ADSS1: variants seen among roughly 807,000 people sequenced by gnomAD.
ADSS1 encodes adenylosuccinate synthase 1.
ADSS1 carries 57 observed loss-of-function variants against 59.1 expected under a neutral mutation model. The ratio of observed to expected loss-of-function variants is 0.97; its 90% CI spans 0.78 to 1.20. The LOEUF is 1.20. Ranked by LOEUF, ADSS1 falls within the 50% of genes most tolerant of loss-of-function variation. The pLI is 0.00. For synonymous variants in ADSS1, 247 were observed against 249.4 expected, an observed-to-expected ratio of 0.99 and a Z score of 0.09; for missense variants, 603 against 610.3, an observed-to-expected ratio of 0.99 and a Z score of 0.13.
Position 104,740,686 on chromosome 14 carries a change from G to C in ADSS1, c.562G>C (p.Asp188His). 2 of 1,614,068 alleles carry C rather than the reference G, an allele frequency of 1.2e-6. No individual in the cohort carries two copies. The highest frequency in any genetic ancestry group is 1.7e-6 in the Non-Finnish European group (2 of 1,180,022). ...TGLRICDLLS[D>H]FDEFSSRFKN... ...CCTCCGCATCTGCGACCTCCTGTCAGATTTTGATGAGTTTTCCTCCAGGTA... is the reference window on the plus strand; with the variant it reads ...CCTCCGCATCTGCGACCTCCTGTCACATTTTGATGAGTTTTCCTCCAGGTA... Residue 188 changes from aspartate to histidine, a missense_variant, in exon 6 of 13, where the codon GAT (aspartate) becomes CAT (histidine). Coordinates refer to ENST00000330877, the MANE Select transcript of ADSS1 (RefSeq NM_152328.5). This position sits in a 1 kb window ranked among gnomAD's most constrained non-coding sequence, Gnocchi z 4.8.
In ADSS1 at chr14:104,743,117, A is replaced by C. The variant is rs752994462; in HGVS notation, c.999A>C (p.Thr333=). 4 of 1,612,960 alleles carry C rather than the reference A, an allele frequency of 2.5e-6. No homozygotes were observed. Among genetic ancestry groups the C allele is most frequent in the Admixed American group, 3.3e-5 (2 of 59,992 alleles). The change falls in exon 10 of 13, where the codon ACA becomes ACC. Residue 333 remains threonine (T), a synonymous_variant. Coordinates refer to ENST00000330877, the MANE Select transcript of ADSS1 (RefSeq NM_152328.5). ...GCGGCCACGAGTGGGGAGTGACCAC[A>C]GGCAGGAAGAGGCGCTGCGGCTGGC... ...QTRGHEWGVT[T]GRKRRCGWLD...
Position 104,746,854 on chromosome 14 carries a change from C to T in ADSS1, c.1322-97C>T, listed in dbSNP as rs141481520. 1.3e-5 allele frequency: 17 copies of T among 1,275,230 alleles called. No homozygotes were observed. The Admixed American group carries it at 1.9e-4, about 14-fold the overall frequency. 79.0% of individuals were successfully genotyped at this position (1,275,230 alleles called of 1,614,324 possible). A position where few individuals can be genotyped will look rare whatever the true frequency, so the allele number is the denominator to read the frequency against. On this transcript the variant is annotated intron_variant, in intron 12 of 12. Coordinates refer to ENST00000330877, the MANE Select transcript of ADSS1 (RefSeq NM_152328.5). The stretch of plus-strand genomic sequence containing the variant: ...TTTGGAGAGAAAATAGCCCCTTTTA[C>T]CATTTGAACTACACAGAAAGATACG...
chr14:104,739,615 C>A, intron 4 of ADSS1, 135 bp from the exon 5 acceptor site: 1 of 1,047,038 alleles, frequency 9.6e-7, no homozygotes, highest in East Asian at 2.6e-5. Context: ...GGTCACACCC[C>A]AGTTTGTCCT....
chr14:104,725,049 G>A (rs1890680901), intron 1 of ADSS1, among the ~76,000 whole-genome samples: 1 of 152,192 alleles, frequency 6.6e-6, no homozygotes, highest in South Asian at 2.1e-4. Context: ...GCGCCTGAGG[G>A]AGGGTGCTTG....
rs1484029368 is a variant in ADSS1 at position 104,740,534 on chromosome 14, C to CT, written c.477-66dup. 6.8e-7 allele frequency: 1 copy of CT among 1,465,354 alleles called. No individual in the cohort carries two copies. The highest frequency in any genetic ancestry group is 1.4e-5 in the African/African-American group (1 of 71,208). The allele number at this position is 1,465,354 out of a possible 1,614,324, so 90.8% of individuals were successfully genotyped here. On this transcript the variant is annotated intron_variant, in intron 5 of 12. Transcript: ENST00000330877. This position sits in a 1 kb window ranked among gnomAD's most constrained non-coding sequence, Gnocchi z 4.8. ...GTCATGAGCCGGCGGGGGTCATGGC[C>CT]TCAGTGGGATGCCTGAGCTCCTCAG... is the stretch of plus-strand genomic sequence containing the variant.
At chr14:104,731,230 C>A (rs11848612) in intron 1 of ADSS1, among the ~76,000 whole-genome samples, 1 of 151,976 alleles carries the variant, frequency 6.6e-6, no homozygotes, top group South Asian at 2.1e-4. Flanking sequence ...GAGAGTTGGG[C>A]GCTTACCTTA....
rs368655353 is a variant in ADSS1 at position 104,741,851 on chromosome 14, C to T, written c.797C>T (p.Thr266Ile). The T allele has an allele frequency of 5.0e-6, 8 of 1,613,116 alleles. No homozygotes were observed. The highest frequency in any genetic ancestry group is 5.9e-6 in the Non-Finnish European group (7 of 1,179,958). ...NAALLDIDFG[T>I]YPFVTSSNCT... ...CTAAACCTGCTCTGTCTTGCAGGGA[C>T]CTACCCCTTTGTGACTTCATCCAAC... The change falls in exon 9 of 13, where the codon ACC becomes ATC. Residue 266 changes from threonine (T) to isoleucine (I), a missense_variant. Physicochemically the swap from Thr to Ile is moderately conservative, Grantham distance 89. Coordinates refer to ENST00000330877, the MANE Select transcript of ADSS1 (RefSeq NM_152328.5).
In ADSS1 at chr14:104,741,183, G is replaced by C; in HGVS notation, c.733G>C (p.Gly245Arg). The change falls in exon 8 of 13, where the codon GGC becomes CGC. Residue 245 changes from glycine to arginine, a missense_variant. Gly to Arg is a moderately radical substitution (Grantham distance 125). Transcript: ENST00000330877. ...TTACTTTATGTATGAGGCACTCCAC[G>C]GCCCCCCCAAGAAGATCCTGGTGGA... ...GVYFMYEALH[G>R]PPKKILVEGA... 2.5e-6 allele frequency: 4 copies of C among 1,612,372 alleles called. No individual in the cohort carries two copies. Among genetic ancestry groups the C allele is most frequent in the Non-Finnish European group, 3.4e-6 (4 of 1,179,230 alleles).
intron 10 of ADSS1, chr14:104,743,432 T>C (rs1891446039): frequency 1.9e-6 from 1 of 514,664 alleles, no homozygotes. Flanking sequence ...CCGTGAAGGA[T>C]GAGGGCATCC....
chr14:104,745,102 G>C, intron 11 of ADSS1, 193 bp downstream of exon 11: 1 of 558,070 alleles, frequency 1.8e-6, no homozygotes, highest in Non-Finnish European at 3.2e-6. Context: ...TTCCCCAGGA[G>C]GCCTGGCTGG....
chr14:104,739,371 C>A lies in ADSS1; in HGVS notation c.402C>A (p.Ala134=), dbSNP rs138178011. ...AGAGGCTCATCATCTCTGACAGAGC[C>A]CACCTTGGTACGTTTCCCACTGGAG... ...WEKRLIISDR[A]HLVFDFHQAV... is the part of the protein sequence containing the mutation. Residue 134 remains alanine (A), a synonymous_variant, in exon 4 of 13, where the codon GCC becomes GCA. Transcript: ENST00000330877. The A allele has an allele frequency of 7.8e-5, 126 of 1,606,474 alleles. No individual in the cohort carries two copies. In the African/African-American group the frequency reaches 1.4e-3, roughly 18 times the overall value.
chr14:104,741,566 C>T (rs1004021470), intron 8 of ADSS1, among the ~76,000 whole-genome samples: 7 of 152,092 alleles, frequency 4.6e-5, no homozygotes, highest in Non-Finnish European at 7.4e-5. Context: ...CCCCCACGGG[C>T]GCACCAGCTT....
intron 1 of ADSS1, chr14:104,730,279 G>C: frequency 7.1e-7 from 1 of 1,413,508 alleles, no homozygotes; most frequent in Non-Finnish European, 9.3e-7. Flanking sequence ...GGATCACTTA[G>C]GGTCAGGAGT....
At chr14:104,746,212 T>A in intron 11 of ADSS1, 24 bp from the exon 12 acceptor site, 1 of 1,588,670 alleles carries the variant, frequency 6.3e-7, no homozygotes, top group Non-Finnish European at 8.6e-7. Context: ...TGGGCCCCAC[T>A]CATCTCCTGT....
chr14:104,744,328 A>G (rs979446487), intron 10 of ADSS1: 2 of 154,112 alleles, frequency 1.3e-5, no homozygotes, highest in African/African-American at 4.8e-5. Flanking sequence ...CATGTTTGTC[A>G]ATGGCGCTTT....
intron 1 of ADSS1, among the ~76,000 whole-genome samples, chr14:104,732,978 C>A (rs756256791): frequency 1.8e-4 from 28 of 152,148 alleles, no homozygotes; most frequent in Non-Finnish European, 3.2e-4. Flanking sequence ...TGCCCCGTCC[C>A]GATGGACTGA....
intron 2 of ADSS1, among the ~76,000 whole-genome samples, chr14:104,736,881 GATATATATATAT>G (rs57122419): frequency 0.021 from 2,224 of 106,558 alleles, 61 homozygotes; most frequent in East Asian, 0.033. Context: ...GCACCTAGCT[GATATATATATAT>G]ATATATATAT....
chr14:104,731,075 G>T (rs1212028771), intron 1 of ADSS1, among the ~76,000 whole-genome samples: 1 of 151,782 alleles, frequency 6.6e-6, no homozygotes, highest in Non-Finnish European at 1.5e-5. Context: ...GAGCGCCAGG[G>T]GGCCACCAGG....
Position 104,739,453 on chromosome 14 carries a change from G to A in ADSS1, c.409+75G>A. 2.0e-6 allele frequency: 3 copies of A among 1,504,200 alleles called. No individual in the cohort carries two copies. The South Asian group carries it at 3.6e-5, about 18-fold the overall frequency. 93.2% of individuals were successfully genotyped at this position (1,504,200 alleles called of 1,614,324 possible). On this transcript the variant is annotated intron_variant, in intron 4 of 12. Coordinates refer to ENST00000330877, the MANE Select transcript of ADSS1 (RefSeq NM_152328.5). ...TGCCAGCCGGCCCTGCTCCTACATG[G>A]CCACCGAGATCAGGGAAGTCCCCAA...
Sources: gnomAD v4.1 joint callset for allele counts (sites outside exome capture counted in the v4.1 genomes callset) on GRCh38, gnomAD v4.1.1 for gene constraint, Gnocchi (gnomAD v3.1) non-coding constraint, MANE v1.5 for transcripts, NCBI Gene and HGNC (gene_info 2026-07-23, HGNC 2026-07-21) for gene names.